YEATS2: variants seen among roughly 807,000 people sequenced by gnomAD.
The protein encoded by YEATS2 is YEATS domain-containing protein 2.
In YEATS2, 77 loss-of-function variants were observed where a neutral mutation model predicts 163.2. That is an observed-to-expected ratio of 0.47 (90% CI 0.39 to 0.57). The LOEUF is 0.57. YEATS2 is among the 20% of genes least tolerant of loss of function. The probability of loss-of-function intolerance (pLI) is 0.00; values close to 1 mark genes in which losing one functional copy is unlikely to be tolerated. For missense variants in YEATS2, 1,549 were observed against 1,729.8 expected (o/e 0.90, Z 1.85); for synonymous variants, 631 against 645.1 (o/e 0.98, Z 0.33).
chr3:183,803,323 G>A lies in YEATS2; in HGVS notation c.3570G>A (p.Arg1190=). 1 of 1,610,746 alleles carries A rather than the reference G, an allele frequency of 6.2e-7. No homozygotes were observed. The highest frequency in any genetic ancestry group is 2.2e-5 in the East Asian group (1 of 44,854). ...EQYYGWNIGK[R]RAAEWQRAMT... ...ACTATGGCTGGAACATTGGAAAAAG[G>A]AGAGCCGCTGAGGTAACCCACATCT... is the stretch of plus-strand genomic sequence containing the variant. Residue 1190 remains arginine (R), a synonymous_variant, in exon 26 of 31, where the codon AGG becomes AGA. Transcript: ENST00000305135.
At chr3:183,800,083 C>T (rs1208888961) in intron 23 of YEATS2, among the ~76,000 whole-genome samples, 1 of 152,058 alleles carries the variant, frequency 6.6e-6, no homozygotes, top group Non-Finnish European at 1.5e-5. Context: ...CCGCCCACCT[C>T]GGCCTCCCAA....
chr3:183,803,449 A>G, intron 26 of YEATS2, 114 bp downstream of exon 26: 1 of 1,082,906 alleles, frequency 9.2e-7, no homozygotes, highest in Non-Finnish European at 1.3e-6. Flanking sequence ...TATTTTCCTC[A>G]GTTAAAAAAA....
At chr3:183,803,160 G>C (rs950016616) in intron 25 of YEATS2, 96 bp from the exon 26 acceptor site, 6 of 1,266,410 alleles carry the variant, frequency 4.7e-6, no homozygotes, top group Non-Finnish European at 6.8e-6. Flanking sequence ...ATGCGATAAA[G>C]AGGTCTGAAG....
At position 183,786,152 on chromosome 3, in the gene YEATS2, A is replaced by G. The variant is rs1724040691; in HGVS notation, c.2764A>G (p.Met922Val). ...QAAHGGQASL[M>V]KISDSTLKTV... ...AGCCCATGGAGGACAGGCATCTCTA[A>G]TGAAAATATCCGATAGCACCTTGAA... The change falls in exon 20 of 31, where the codon ATG becomes GTG. Residue 922 changes from methionine (M) to valine (V), a missense_variant. Transcript: ENST00000305135. The G allele has an allele frequency of 4.3e-6, 7 of 1,613,988 alleles. No individual in the cohort carries two copies. The highest frequency in any genetic ancestry group is 4.2e-6 in the Non-Finnish European group (5 of 1,179,856).
chr3:183,779,044 G>A (rs1328233439), intron 19 of YEATS2, among the ~76,000 whole-genome samples: 1 of 152,016 alleles, frequency 6.6e-6, no homozygotes, highest in Non-Finnish European at 1.5e-5. Context: ...ACGAGTAGCT[G>A]CGATTACAGG....
chr3:183,734,874 A>T (rs1262077491), intron 7 of YEATS2, among the ~76,000 whole-genome samples: 1 of 152,196 alleles, frequency 6.6e-6, no homozygotes, highest in Non-Finnish European at 1.5e-5. Context: ...GGTTTATTTC[A>T]CCTTCTATGA....
intron 1 of YEATS2, among the ~76,000 whole-genome samples, chr3:183,712,184 G>C (rs796180353): frequency 8.2e-6 from 1 of 121,306 alleles, no homozygotes; most frequent in African/African-American, 3.5e-5. Flanking sequence ...AGCATTTTAT[G>C]TTCTTTTATT....
chr3:183,711,527 G>T (rs1715222000), intron 1 of YEATS2, among the ~76,000 whole-genome samples: 1 of 151,416 alleles, frequency 6.6e-6, no homozygotes, highest in African/African-American at 2.4e-5. Context: ...TTCTGGGCCT[G>T]TCCAAAAATA....
chr3:183,720,261 A>G (rs1716355026), intron 4 of YEATS2, among the ~76,000 whole-genome samples: 1 of 152,230 alleles, frequency 6.6e-6, no homozygotes, highest in Non-Finnish European at 1.5e-5. Flanking sequence ...AATGAAAAAT[A>G]TCTGCTCTTT....
chr3:183,805,917 G>A (rs760029790), intron 27 of YEATS2, among the ~76,000 whole-genome samples: 2 of 152,008 alleles, frequency 1.3e-5, no homozygotes, highest in African/African-American at 4.8e-5. Context: ...GTCTGACTTC[G>A]CTGTGTAAGC....
chr3:183,724,357 G>A (rs1030059567), intron 5 of YEATS2, 62 bp from the exon 6 acceptor site: 2 of 1,216,306 alleles, frequency 1.6e-6, no homozygotes, highest in Admixed American at 4.9e-5. Flanking sequence ...ACAATTTTGT[G>A]GTTTCTGTCC....
chr3:183,769,603 G>A (rs988366566), intron 15 of YEATS2, among the ~76,000 whole-genome samples: 5 of 152,154 alleles, frequency 3.3e-5, no homozygotes, highest in Non-Finnish European at 7.4e-5. Context: ...TAACTAACCT[G>A]GAAAACCAGA....
Position 183,772,572 on chromosome 3 carries a change from G to A in YEATS2, c.2206+9G>A. 2.5e-6 allele frequency: 4 copies of A among 1,612,884 alleles called. No homozygotes were observed. Among genetic ancestry groups the A allele is most frequent in the Non-Finnish European group, 3.4e-6 (4 of 1,179,524 alleles). On this transcript the variant is annotated intron_variant, in intron 16 of 30. Coordinates refer to ENST00000305135, the MANE Select transcript of YEATS2 (RefSeq NM_018023.5). ...TGGATCCCAGGGTTCAGGTAAAACG[G>A]ATCATCACTGGGAGCCCTTTCAGCA...
chr3:183,776,902 A>C (rs919051893), intron 18 of YEATS2, among the ~76,000 whole-genome samples: 4 of 151,944 alleles, frequency 2.6e-5, no homozygotes, highest in Non-Finnish European at 4.4e-5. Context: ...CAGTGAGCCA[A>C]GATCACTCCA....
At position 183,772,456 on chromosome 3, in the gene YEATS2, C is replaced by A; in HGVS notation, c.2099C>A (p.Ala700Glu). Residue 700 changes from alanine (A) to glutamate (E), a missense_variant, in exon 16 of 31, where the codon GCA (alanine) becomes GAA (glutamate). Physicochemically the swap from Ala to Glu is moderately radical, Grantham distance 107. Transcript: ENST00000305135. ...KQVVTQGVAK[A>E]IVSGGGGTIV... is the part of the protein sequence containing the mutation. ...GTTGTAACCCAAGGAGTTGCCAAAG[C>A]AATTGTGAGTGGAGGTGGAGGAACC... 6.2e-7 allele frequency: 1 copy of A among 1,614,142 alleles called. No homozygotes were observed. The highest frequency in any genetic ancestry group is 2.2e-5 in the East Asian group (1 of 44,888).
intron 24 of YEATS2, chr3:183,801,008 C>G (rs200862225): frequency 1.2e-5 from 2 of 170,062 alleles, no homozygotes; most frequent in African/African-American, 2.4e-5. Flanking sequence ...TTCCTAATTT[C>G]TAAATCAGGA....
At chr3:183,722,278 CTTTTT>C (rs200048624) in intron 5 of YEATS2, 142 bp downstream of exon 5, 138 of 310,220 alleles carry the variant, frequency 4.4e-4, no homozygotes, top group Middle Eastern at 1.2e-3. Context: ...GAAACCAAAT[CTTTTT>C]TTTTTTTTTT....
chr3:183,786,409 T>A, intron 20 of YEATS2, 108 bp downstream of exon 20: 1 of 1,094,160 alleles, frequency 9.1e-7, no homozygotes, highest in Non-Finnish European at 1.2e-6. Flanking sequence ...AATACTCAAC[T>A]ATTGCTTTTT....
At chr3:183,735,838 C>T (rs1415001485) in intron 7 of YEATS2, among the ~76,000 whole-genome samples, 1 of 152,170 alleles carries the variant, frequency 6.6e-6, no homozygotes, top group East Asian at 1.9e-4. Flanking sequence ...TGAGCCACCG[C>T]ACCCAGCCTC....
Sources: allele counts gnomAD v4.1 joint callset (sites outside exome capture counted in the v4.1 genomes callset), GRCh38; gene constraint gnomAD v4.1.1; transcripts MANE v1.5; gene names NCBI Gene and HGNC (gene_info 2026-07-23, HGNC 2026-07-21).